Variants in PHTF1 observed in about 807,000 individuals in gnomAD.
PHTF1 encodes the protein putative homeodomain transcription factor 1, also known as protein PHTF1.
PHTF1 carries 88 observed loss-of-function variants against 102.4 expected under a neutral mutation model. That is an observed-to-expected ratio of 0.86 (90% CI 0.72 to 1.03). The LOEUF (loss-of-function observed/expected upper bound fraction) is 1.03. Among genes scored for constraint, PHTF1 ranks in the 50% least tolerant of loss-of-function variants. The probability of loss-of-function intolerance (pLI) is 0.00; values close to 1 mark genes in which losing one functional copy is unlikely to be tolerated. For missense variants in PHTF1, 814 were observed against 909.5 expected (o/e 0.89, Z 1.35); for synonymous variants, 289 against 305.2 (o/e 0.95, Z 0.55).
rs761775497 is a variant in PHTF1 at position 113,711,969 on chromosome 1, A to AT, written c.927dup (p.Ser310IlefsTer27). On this transcript the variant is annotated frameshift_variant, in exon 9 of 19. Coordinates refer to ENST00000369604, the MANE Select transcript of PHTF1 (RefSeq NM_001323043.2). LOFTEE classifies it high-confidence loss of function. ...GAGTTTAGGTGCCTTGAAAGTATTG[A>AT]TTTTCTATTCTTAACTTCACAACCA... 5.0e-6 allele frequency: 8 copies of AT among 1,614,058 alleles called. No individual in the cohort carries two copies. In the East Asian group the frequency reaches 8.9e-5, roughly 18 times the overall value.
At chr1:113,732,511 A>T (rs1337982573) in intron 5 of PHTF1, among the ~76,000 whole-genome samples, 3 of 152,182 alleles carry the variant, frequency 2.0e-5, no homozygotes, top group East Asian at 1.9e-4. Context: ...AAAAAAAACA[A>T]TTTTCCTGCT....
intron 3 of PHTF1, among the ~76,000 whole-genome samples, chr1:113,752,014 G>T (rs1658161700): frequency 1.3e-5 from 2 of 152,094 alleles, no homozygotes. Context: ...ACATATATTT[G>T]AGAATTAGCT....
chr1:113,755,730 AAGG>A (rs2101734270), intron 3 of PHTF1, among the ~76,000 whole-genome samples: 1 of 152,240 alleles, frequency 6.6e-6, no homozygotes, highest in East Asian at 1.9e-4. Flanking sequence ...CACTAAAAGG[AAGG>A]TATGTATTAA....
intron 7 of PHTF1, chr1:113,715,178 A>G (rs1286751718): frequency 5.3e-5 from 8 of 152,326 alleles, no homozygotes; most frequent in Non-Finnish European, 7.3e-5. Flanking sequence ...AAGGACAGGT[A>G]CAAAGAAGCC....
At chr1:113,715,514 G>T (rs1259885695) in intron 7 of PHTF1, among the ~76,000 whole-genome samples, 2 of 151,784 alleles carry the variant, frequency 1.3e-5, no homozygotes, top group Non-Finnish European at 2.9e-5. Flanking sequence ...TGGGTGCAAT[G>T]GCATGTGCCT....
At chr1:113,704,517 G>A (rs1330957600) in intron 14 of PHTF1, 149 bp downstream of exon 14, 5 of 579,996 alleles carry the variant, frequency 8.6e-6, no homozygotes, top group Non-Finnish European at 1.5e-5. Flanking sequence ...GCAGAGAGAT[G>A]ACATCCAACT....
intron 12 of PHTF1, 41 bp downstream of exon 12, chr1:113,706,553 C>A (rs202011088): frequency 1.3e-5 from 20 of 1,528,938 alleles, no homozygotes; most frequent in Non-Finnish European, 1.3e-5. Flanking sequence ...CTGATCACTT[C>A]GTATATTTTT....
At position 113,721,783 on chromosome 1, in the gene PHTF1, G is replaced by A. The variant is rs572059554; in HGVS notation, c.623+2976C>T. Among the ~76,000 whole-genome samples, 75 of 152,124 alleles carry A rather than the reference G, an allele frequency of 4.9e-4. No homozygotes were observed. In the South Asian group the frequency reaches 5.6e-3, roughly 11 times the overall value. ...TGGCTCACTGCAAGCTCCACCTCCCGGATTCATGCCATTCTGCTGTCTCAG... is the reference window on the plus strand; with the variant it reads ...TGGCTCACTGCAAGCTCCACCTCCCAGATTCATGCCATTCTGCTGTCTCAG... On this transcript the variant is annotated intron_variant, in intron 7 of 18. Coordinates refer to ENST00000369604, the MANE Select transcript of PHTF1 (RefSeq NM_001323043.2).
chr1:113,721,882 G>C (rs1653004090), intron 7 of PHTF1, among the ~76,000 whole-genome samples: 1 of 151,310 alleles, frequency 6.6e-6, no homozygotes, highest in Non-Finnish European at 1.5e-5. Flanking sequence ...TTTTAGTAGA[G>C]ACAGGGTTTC....
chr1:113,757,748 G>C lies in PHTF1; in HGVS notation c.53C>G (p.Ala18Gly). Residue 18 changes from alanine to glycine, a missense_variant, in exon 3 of 19, where the codon GCC (alanine) becomes GGC (glycine). Physicochemically the swap from Ala to Gly is moderately conservative, Grantham distance 60. Transcript: ENST00000369604. Reference protein sequence around the residue: ...AISWYQKKIGAYDQQIWEKSI... With the variant: ...AISWYQKKIGGYDQQIWEKSI... ...CTTTTCCCATATCTGCTGATCGTAG[G>C]CTCCAATCTGAAAGAGGGAGTAGTC... The C allele has an allele frequency of 6.3e-7, 1 of 1,599,222 alleles. No homozygotes were observed.
At chr1:113,706,860 T>C (rs1571096186) in intron 11 of PHTF1, 138 bp from the exon 12 acceptor site, 13 of 582,528 alleles carry the variant, frequency 2.2e-5, no homozygotes, top group Admixed American at 7.0e-5. Flanking sequence ...TCTTTTTTTT[T>C]TTTTTTTTTT....
Position 113,758,974 on chromosome 1 carries a change from G to GA in PHTF1, c.-31+48_-31+49insT, listed in dbSNP as rs1659300274. 9.0e-6 allele frequency: 10 copies of GA among 1,110,394 alleles called. No homozygotes were observed. In the South Asian group the frequency reaches 3.2e-4, roughly 36 times the overall value. 68.8% of individuals were successfully genotyped at this position (1,110,394 alleles called of 1,614,324 possible). On this transcript the variant is annotated intron_variant, in intron 1 of 18. Coordinates refer to ENST00000369604, the MANE Select transcript of PHTF1 (RefSeq NM_001323043.2). The stretch of plus-strand genomic sequence containing the variant: ...CGGGGGAGGGGCAGGGGCCGCCGCT[G>GA]GAGTCGCCCGGCACCCGCCTCCTTC...
At chr1:113,727,655 G>C (rs1161119264) in intron 5 of PHTF1, among the ~76,000 whole-genome samples, 2 of 152,062 alleles carry the variant, frequency 1.3e-5, no homozygotes, top group African/African-American at 2.4e-5. Context: ...CATCTCAATT[G>C]ACAGTTATGT....
intron 5 of PHTF1, among the ~76,000 whole-genome samples, chr1:113,735,586 G>T (rs1454438645): frequency 6.6e-6 from 1 of 151,900 alleles, no homozygotes; most frequent in Admixed American, 6.6e-5. Flanking sequence ...TTAAAATTCA[G>T]TCTCTTACTG....
At chr1:113,711,598 C>A in intron 10 of PHTF1, 148 bp downstream of exon 10, 1 of 614,166 alleles carries the variant, frequency 1.6e-6, no homozygotes. Flanking sequence ...TCATTAAAAG[C>A]TGCTAGATAA....
intron 5 of PHTF1, among the ~76,000 whole-genome samples, chr1:113,728,772 G>A (rs1264236416): frequency 6.6e-6 from 1 of 152,144 alleles, no homozygotes; most frequent in Non-Finnish European, 1.5e-5. Context: ...TGCCAGGCAT[G>A]GTGGCAGGCA....
At position 113,697,453 on chromosome 1, in the gene PHTF1, A is replaced by G. The variant is rs1379740750; in HGVS notation, c.*252T>C. 2.5e-6 allele frequency: 1 copy of G among 405,656 alleles called. No homozygotes were observed. The highest frequency in any genetic ancestry group is 4.5e-6 in the Non-Finnish European group (1 of 223,294). The allele number at this position is 405,656 out of a possible 1,614,324, so 25.1% of individuals were successfully genotyped here. ...TACAAAATTGTCTTTGTGTTACCAC[A>G]ACACACACAGTCTTTAGTCAGCTGA... On this transcript the variant is annotated 3_prime_UTR_variant, in exon 19 of 19. Coordinates refer to ENST00000369604, the MANE Select transcript of PHTF1 (RefSeq NM_001323043.2).
chr1:113,698,193 G>T, intron 18 of PHTF1, 69 bp downstream of exon 18: 5 of 1,063,608 alleles, frequency 4.7e-6, no homozygotes, highest in South Asian at 1.4e-5. Context: ...ACACACGTGT[G>T]AAGAACACAG....
At chr1:113,736,202 C>T (rs943357705) in intron 5 of PHTF1, among the ~76,000 whole-genome samples, 16 of 151,758 alleles carry the variant, frequency 1.1e-4, no homozygotes, top group East Asian at 7.8e-4. Context: ...ATTAGCTGGG[C>T]GTGGTGGCGG....
Sources: gnomAD v4.1 joint callset for allele counts (sites outside exome capture counted in the v4.1 genomes callset) on GRCh38, gnomAD v4.1.1 for gene constraint, MANE v1.5 for transcripts, NCBI Gene and HGNC (gene_info 2026-07-23, HGNC 2026-07-21) for gene names.